GRIP1: variants seen among roughly 807,000 people sequenced by gnomAD.
GRIP1 encodes the protein glutamate receptor-interacting protein 1.
GRIP1 carries 45 observed loss-of-function variants against 129.9 expected under a neutral mutation model. The ratio of observed to expected loss-of-function variants is 0.35; its 90% confidence interval spans 0.27 to 0.44. GRIP1 has a LOEUF of 0.44. GRIP1 is among the 20% of genes least tolerant of loss of function. GRIP1 has a pLI of 1.00. For synonymous variants in GRIP1, 530 were observed against 520.8 expected, an observed-to-expected ratio of 1.02 and a Z score of -0.24; for missense variants, 1,196 against 1,396.8, an observed-to-expected ratio of 0.86 and a Z score of 2.29.
chr12:66,482,961 G>C (rs2059847387), intron 7 of GRIP1, among the ~76,000 whole-genome samples: 2 of 152,200 alleles, frequency 1.3e-5, no homozygotes, highest in Non-Finnish European at 2.9e-5. Context: ...TGAAGCCCAT[G>C]CATGCTGGGT....
intron 16 of GRIP1, among the ~76,000 whole-genome samples, chr12:66,404,009 C>T (rs1352023369): frequency 2.0e-5 from 3 of 152,182 alleles, no homozygotes; most frequent in Non-Finnish European, 2.9e-5. Flanking sequence ...ACAGGTTTCT[C>T]CACAGGGCTT....
intron 1 of GRIP1, among the ~76,000 whole-genome samples, chr12:67,046,907 T>G (rs1412305469): frequency 6.6e-6 from 1 of 152,182 alleles, no homozygotes; most frequent in African/African-American, 2.4e-5. Context: ...TTTTTAGAAC[T>G]TGAATTATAT....
chr12:66,612,078 A>C (rs931802969), intron 1 of GRIP1, among the ~76,000 whole-genome samples: 4 of 152,110 alleles, frequency 2.6e-5, no homozygotes, highest in African/African-American at 9.7e-5. Context: ...TTTTTTTCAA[A>C]CTTGTGCAAA....
intron 5 of GRIP1, among the ~76,000 whole-genome samples, chr12:66,521,435 G>C (rs530015601): frequency 1.3e-5 from 2 of 152,158 alleles, no homozygotes; most frequent in Non-Finnish European, 2.9e-5. Flanking sequence ...TAATAATTTT[G>C]ATAGAATTTT....
intron 1 of GRIP1, among the ~76,000 whole-genome samples, chr12:66,657,676 G>C (rs969860081): frequency 6.6e-6 from 1 of 152,204 alleles, no homozygotes; most frequent in African/African-American, 2.4e-5. Flanking sequence ...CTTATCCCAT[G>C]TTTGTATGAA....
intron 2 of GRIP1, among the ~76,000 whole-genome samples, chr12:66,557,206 A>G (rs1022580593): frequency 7.9e-5 from 12 of 152,174 alleles, no homozygotes; most frequent in Admixed American, 2.0e-4. Context: ...AGATTTTGAG[A>G]CAAAAACTGT....
chr12:66,793,305 C>A (rs909427712), intron 1 of GRIP1, among the ~76,000 whole-genome samples: 2 of 152,162 alleles, frequency 1.3e-5, no homozygotes, highest in Non-Finnish European at 2.9e-5. Context: ...TGCTCTTGTA[C>A]TACGTTGCTG....
intron 7 of GRIP1, among the ~76,000 whole-genome samples, chr12:66,491,510 T>C (rs1348049169): frequency 3.9e-5 from 6 of 152,138 alleles, no homozygotes; most frequent in African/African-American, 1.2e-4. Flanking sequence ...GAATAGCTTA[T>C]AGATGCTGGG....
At chr12:66,415,501 A>G (rs1372505242) in intron 15 of GRIP1, among the ~76,000 whole-genome samples, 1 of 152,222 alleles carries the variant, frequency 6.6e-6, no homozygotes, top group African/African-American at 2.4e-5. Context: ...CCATTATGAA[A>G]GACAGTGTGG....
At chr12:66,868,201 A>AG (rs1408176598) in intron 1 of GRIP1, among the ~76,000 whole-genome samples, 2 of 152,158 alleles carry the variant, frequency 1.3e-5, no homozygotes, top group African/African-American at 4.8e-5. Context: ...CAGAAGACCA[A>AG]GGGGGAAATG....
intron 1 of GRIP1, among the ~76,000 whole-genome samples, chr12:66,820,119 A>G (rs2039292069): frequency 6.6e-6 from 1 of 152,170 alleles, no homozygotes. Flanking sequence ...AACCATTTTG[A>G]AATACGCTGG....
intron 1 of GRIP1, among the ~76,000 whole-genome samples, chr12:66,701,305 C>T (rs1278966320): frequency 6.6e-6 from 1 of 152,080 alleles, no homozygotes; most frequent in Non-Finnish European, 1.5e-5. Context: ...TTGAGTAGCT[C>T]CAAGCTGCAC....
At chr12:66,764,404 ACTG>A (rs1340642142) in intron 1 of GRIP1, among the ~76,000 whole-genome samples, 1 of 152,184 alleles carries the variant, frequency 6.6e-6, no homozygotes, top group Non-Finnish European at 1.5e-5. Context: ...CTGCTAGAAA[ACTG>A]CTTTTTCATT....
rs147554481 is a variant in GRIP1 at position 66,969,383 on chromosome 12, T to C, written c.58+99667A>G. 2.0e-4 allele frequency among the ~76,000 whole-genome samples: 31 copies of C among 152,278 alleles called. No individual in the cohort carries two copies. The South Asian group carries it at 3.1e-3, about 15-fold the overall frequency. On this transcript the variant is annotated intron_variant, in intron 1 of 1. Coordinates refer to the GRIP1 transcript ENST00000643019. ...TTCACCTTTTGAAATTGTGCCAAAGTTCTGAGTTCTTGCATCTTCTGTTGT... is the reference window on the plus strand; with the variant it reads ...TTCACCTTTTGAAATTGTGCCAAAGCTCTGAGTTCTTGCATCTTCTGTTGT...
chr12:66,586,352 T>C (rs1174877799), intron 2 of GRIP1, among the ~76,000 whole-genome samples: 1 of 152,236 alleles, frequency 6.6e-6, no homozygotes, highest in African/African-American at 2.4e-5. Context: ...TCCAGGGTAC[T>C]ACATTCTCCT....
intron 1 of GRIP1, among the ~76,000 whole-genome samples, chr12:66,818,823 C>A (rs1397364460): frequency 1.3e-5 from 2 of 152,112 alleles, no homozygotes; most frequent in Non-Finnish European, 2.9e-5. Flanking sequence ...GCTCAAATAA[C>A]ATGGACCCCC....
chr12:67,028,076 G>C (rs2135766306), intron 1 of GRIP1, among the ~76,000 whole-genome samples: 1 of 152,236 alleles, frequency 6.6e-6, no homozygotes, highest in Non-Finnish European at 1.5e-5. Context: ...TGGTCACCTG[G>C]ATATTTTCTG....
intron 1 of GRIP1, among the ~76,000 whole-genome samples, chr12:66,970,116 C>G (rs10878545): frequency 0.31 from 46,585 of 151,950 alleles, 7,297 homozygotes; most frequent in African/African-American, 0.38. Context: ...CTTACTTACT[C>G]TGTTGCCCAA....
intron 1 of GRIP1, among the ~76,000 whole-genome samples, chr12:66,761,112 C>T (rs1826670562): frequency 6.6e-6 from 1 of 151,974 alleles, no homozygotes; most frequent in Admixed American, 6.6e-5. Context: ...ACTTCTATCC[C>T]ATTCTTTCCT....
Sources: gnomAD v4.1 joint callset for allele counts (sites outside exome capture counted in the v4.1 genomes callset) on GRCh38, gnomAD v4.1.1 for gene constraint, MANE v1.5 for transcripts, NCBI Gene and HGNC (gene_info 2026-07-23, HGNC 2026-07-21) for gene names.